SLC35D4: variants seen among roughly 807,000 people sequenced by gnomAD.
SLC35D4 encodes the protein UDP-N-acetylglucosamine transporter SLC35D4.
chr18:23,425,004 A>C, the SLC35D4 span, among the ~76,000 whole-genome samples: 2 of 152,252 alleles, frequency 1.3e-5, no homozygotes, highest in Non-Finnish European at 2.9e-5. Context: ...CTACATATTT[A>C]AATGGTTTAA....
the SLC35D4 span, among the ~76,000 whole-genome samples, chr18:23,268,803 C>CGTGCGTGT: frequency 5.3e-3 from 785 of 149,484 alleles, 2 homozygotes; most frequent in African/African-American, 0.018. Flanking sequence ...TGTGTGTGTG[C>CGTGCGTGT]GTGTGTGTGT....
At chr18:23,257,325 C>T in the SLC35D4 span, 29 of 1,613,748 alleles carry the variant, frequency 1.8e-5, no homozygotes, top group East Asian at 8.9e-5. Flanking sequence ...TGCCCGAGCA[C>T]GAAGTCATGC....
the SLC35D4 span, among the ~76,000 whole-genome samples, chr18:23,383,092 G>A: frequency 6.6e-6 from 1 of 152,136 alleles, no homozygotes; most frequent in African/African-American, 2.4e-5. Flanking sequence ...TGGAGAAACA[G>A]ATCAGTTCCA....
At chr18:23,365,912 G>A in the SLC35D4 span, among the ~76,000 whole-genome samples, 1 of 152,190 alleles carries the variant, frequency 6.6e-6, no homozygotes, top group Non-Finnish European at 1.5e-5. Context: ...CTCAACCTGA[G>A]GGTCTACTGT....
At chr18:23,413,943 C>CAAA in the SLC35D4 span, among the ~76,000 whole-genome samples, 1 of 56,498 alleles carries the variant, frequency 1.8e-5, no homozygotes, top group African/African-American at 7.2e-5. Context: ...GGCTCCGCCT[C>CAAA]AAAAAAAAAA....
chr18:23,422,172 G>A, the SLC35D4 span, among the ~76,000 whole-genome samples: 1 of 152,154 alleles, frequency 6.6e-6, no homozygotes, highest in African/African-American at 2.4e-5. Context: ...TATATATGCT[G>A]GTTTGTTACA....
At chr18:23,368,256 CAT>C in the SLC35D4 span, among the ~76,000 whole-genome samples, 2 of 152,334 alleles carry the variant, frequency 1.3e-5, no homozygotes, top group African/African-American at 2.4e-5. Context: ...GGGCCTCACA[CAT>C]GTGTGTGGAC....
At chr18:23,347,427 A>ATC in the SLC35D4 span, among the ~76,000 whole-genome samples, 327 of 147,788 alleles carry the variant, frequency 2.2e-3, 1 homozygote, top group African/African-American at 8.1e-3. Context: ...CTTCTCTCCT[A>ATC]TCTCTCTCTC....
chr18:23,435,262 TTAGA>T, the SLC35D4 span, among the ~76,000 whole-genome samples: 1 of 152,246 alleles, frequency 6.6e-6, no homozygotes, highest in African/African-American at 2.4e-5. Context: ...TTTTTTTTGC[TTAGA>T]TAAAATGTTT....
chr18:23,384,868 G>A, the SLC35D4 span: 1 of 767,338 alleles, frequency 1.3e-6, no homozygotes, highest in East Asian at 2.8e-5. Context: ...TCACTATCAG[G>A]TAATCTTGCC....
chr18:23,375,647 G>A, the SLC35D4 span, among the ~76,000 whole-genome samples: 1 of 152,176 alleles, frequency 6.6e-6, no homozygotes, highest in Non-Finnish European at 1.5e-5. Flanking sequence ...TAAATACTGA[G>A]CAAGGCAGTG....
chr18:23,402,139 T>G, the SLC35D4 span, among the ~76,000 whole-genome samples: 1 of 152,198 alleles, frequency 6.6e-6, no homozygotes, highest in African/African-American at 2.4e-5. Context: ...ATGCTGTCAG[T>G]GTGACGGCTG....
the SLC35D4 span, chr18:23,430,519 C>T: frequency 1.2e-6 from 1 of 826,764 alleles, no homozygotes; most frequent in Non-Finnish European, 1.9e-6. Context: ...AAATATCTTA[C>T]AATATGTCTA....
the SLC35D4 span, among the ~76,000 whole-genome samples, chr18:23,268,537 C>T: frequency 3.9e-5 from 6 of 152,090 alleles, no homozygotes; most frequent in African/African-American, 1.4e-4. Context: ...TTTCTCCAGT[C>T]AAGGTTCGAG....
At chr18:23,332,707 A>G in the SLC35D4 span, among the ~76,000 whole-genome samples, 1 of 152,238 alleles carries the variant, frequency 6.6e-6, no homozygotes, top group Non-Finnish European at 1.5e-5. Flanking sequence ...CCAAAATGTT[A>G]GATAAAATGA....
At chr18:23,398,634 T>C in the SLC35D4 span, among the ~76,000 whole-genome samples, 1 of 152,232 alleles carries the variant, frequency 6.6e-6, no homozygotes, top group Non-Finnish European at 1.5e-5. Context: ...GAAAAATGAT[T>C]ATTTAATTTC....
At chr18:23,426,546 C>T in the SLC35D4 span, among the ~76,000 whole-genome samples, 179 of 152,228 alleles carry the variant, frequency 1.2e-3, no homozygotes, top group African/African-American at 1.1e-3. Flanking sequence ...GAATATTCCA[C>T]GCTCATGGAT....
the SLC35D4 span, among the ~76,000 whole-genome samples, chr18:23,268,517 C>T: frequency 2.0e-5 from 3 of 151,950 alleles, no homozygotes; most frequent in Non-Finnish European, 4.4e-5. Context: ...AACAAGTTCC[C>T]CAGGTGATGT....
At chr18:23,353,076 A>AGTGTGTGTGTGTGTGT in the SLC35D4 span, among the ~76,000 whole-genome samples, 5,449 of 126,352 alleles carry the variant, frequency 0.043, 297 homozygotes, top group East Asian at 0.073. Flanking sequence ...TGAGACAGAC[A>AGTGTGTGTGTGTGTGT]GTGTGTGTGT....
Sources: allele counts gnomAD v4.1 joint callset (sites outside exome capture counted in the v4.1 genomes callset), GRCh38; gene constraint gnomAD v4.1.1; transcripts MANE v1.5; gene names NCBI Gene and HGNC (gene_info 2026-07-23, HGNC 2026-07-21).